The following GLYATL2 variants were observed in gnomAD, a reference collection of about 807,000 sequenced individuals.
GLYATL2 encodes the protein glycine-N-acyltransferase like 2, also known as glycine N-acyltransferase-like protein 2.
GLYATL2 carries 25 observed loss-of-function variants against 21.4 expected under a neutral mutation model. The ratio of observed to expected loss-of-function variants is 1.17; its 90% CI spans 0.85 to 1.63. The LOEUF (loss-of-function observed/expected upper bound fraction) is 1.63. Ranked by LOEUF, GLYATL2 falls within the 40% of genes most tolerant of loss-of-function variation. GLYATL2 has a pLI of 0.00. For synonymous variants in GLYATL2, 114 were observed against 118.2 expected, an observed-to-expected ratio of 0.96 and a Z score of 0.23; for missense variants, 361 against 343.3, an observed-to-expected ratio of 1.05 and a Z score of -0.41.
At chr11:58,866,698 T>TTCCCTGTTGAACAGA (rs1242078939) in intron 1 of GLYATL2, among the ~76,000 whole-genome samples, 1 of 149,222 alleles carries the variant, frequency 6.7e-6, no homozygotes, top group Non-Finnish European at 1.5e-5. Context: ...TCTTGGTCAG[T>TTCCCTGTTGAACAGA]TCCCTGTTGA....
At chr11:58,886,525 A>C (rs1204037104) in intron 1 of GLYATL2, among the ~76,000 whole-genome samples, 1 of 152,230 alleles carries the variant, frequency 6.6e-6, no homozygotes, top group African/African-American at 2.4e-5. Context: ...TAAAATGGGA[A>C]AAATAAGAGG....
intron 1 of GLYATL2, among the ~76,000 whole-genome samples, chr11:58,876,886 G>A (rs1391763665): frequency 6.6e-6 from 1 of 152,260 alleles, no homozygotes; most frequent in African/African-American, 2.4e-5. Flanking sequence ...TGCCCTCAGA[G>A]GTAGAGCCTA....
chr11:58,839,720 G>A (rs1374500698), intron 1 of GLYATL2, 68 bp from the exon 2 acceptor site: 1 of 713,276 alleles, frequency 1.4e-6, no homozygotes, highest in Non-Finnish European at 2.3e-6. Flanking sequence ...AGAAGAGGAA[G>A]GAGAAGTCAC....
upstream of GLYATL2, among the ~76,000 whole-genome samples, chr11:58,907,000 G>A (rs1229444271): frequency 2.0e-5 from 3 of 152,160 alleles, 1 homozygote; most frequent in African/African-American, 7.2e-5. Flanking sequence ...CAATTCACAG[G>A]AACAATAAAA....
At chr11:58,876,838 C>G (rs1854242915) in intron 1 of GLYATL2, among the ~76,000 whole-genome samples, 1 of 152,246 alleles carries the variant, frequency 6.6e-6, no homozygotes, top group Admixed American at 6.5e-5. Flanking sequence ...ACATTTAAGT[C>G]TGCAGAGGTT....
At chr11:58,852,061 T>C (rs1162868104) in intron 1 of GLYATL2, among the ~76,000 whole-genome samples, 1 of 152,234 alleles carries the variant, frequency 6.6e-6, no homozygotes, top group Non-Finnish European at 1.5e-5. Context: ...GGAAATAATA[T>C]GTAAATTGGT....
At chr11:58,881,515 C>G (rs1854333614) in intron 1 of GLYATL2, among the ~76,000 whole-genome samples, 1 of 151,844 alleles carries the variant, frequency 6.6e-6, no homozygotes. Flanking sequence ...AATATTTGGC[C>G]CTAAGAAACT....
Position 58,872,425 on chromosome 11 carries a change from A to G in GLYATL2, n.60+31731T>C, listed in dbSNP as rs556070669. Among the ~76,000 whole-genome samples, 324 of 152,352 alleles carry G rather than the reference A, an allele frequency of 2.1e-3. 2 individuals carry two copies. The highest frequency in any genetic ancestry group is 6.8e-3 in the African/African-American group (281 of 41,578). On this transcript the variant is annotated intron_variant and non_coding_transcript_variant, in intron 1 of 4. Transcript: ENST00000533636. ...GGGTTTTTATGGTTTTAGGTATAAC[A>G]TGTAAGTCTTTAATCCATCTTGAAT... is the stretch of plus-strand genomic sequence containing the variant.
At chr11:58,885,227 T>A (rs973660001) in intron 1 of GLYATL2, among the ~76,000 whole-genome samples, 2 of 152,236 alleles carry the variant, frequency 1.3e-5, no homozygotes, top group Non-Finnish European at 2.9e-5. Flanking sequence ...AGCTCTTTGG[T>A]ATCACAAGGA....
chr11:58,834,453 T>C lies in GLYATL2; in HGVS notation c.861A>G (p.Lys287=), dbSNP rs1007653704. ...ATCAACAATATTTCTTGGGGGTGCA[T>C]TTCCACTGATGCCAGCCACAAGGAC... ...KICPCGWHQW[K]CTPKKYC Residue 287 remains lysine (K), a synonymous_variant, in exon 6 of 6, where the codon AAA becomes AAG. Transcript: ENST00000287275. 14 of 1,599,150 alleles carry C rather than the reference T, an allele frequency of 8.8e-6. No individual in the cohort carries two copies. The highest frequency in any genetic ancestry group is 1.0e-5 in the Non-Finnish European group (12 of 1,173,476).
At chr11:58,862,465 C>A (rs543437640) in intron 1 of GLYATL2, among the ~76,000 whole-genome samples, 2 of 152,236 alleles carry the variant, frequency 1.3e-5, no homozygotes, top group East Asian at 1.9e-4. Flanking sequence ...TACTGATATT[C>A]CATAATTACC....
chr11:58,895,198 T>C (rs1854613096), intron 1 of GLYATL2, among the ~76,000 whole-genome samples: 1 of 152,086 alleles, frequency 6.6e-6, no homozygotes, highest in South Asian at 2.1e-4. Context: ...AACCTTAACA[T>C]GCACTTGGAT....
At chr11:58,893,333 C>T (rs2134623375) in intron 1 of GLYATL2, 1 of 209,070 alleles carries the variant, frequency 4.8e-6, no homozygotes, top group Middle Eastern at 1.2e-3. Context: ...AAGAATATTC[C>T]ATTTTACCTC....
At chr11:58,849,349 A>C (rs900328097), upstream of GLYATL2, among the ~76,000 whole-genome samples, 1 of 152,300 alleles carries the variant, frequency 6.6e-6, no homozygotes, top group African/African-American at 2.4e-5. Context: ...GAAACACCTG[A>C]GCTCAAGCAA....
chr11:58,835,380 T>C (rs207471943), intron 5 of GLYATL2, among the ~76,000 whole-genome samples: 3 of 152,230 alleles, frequency 2.0e-5, no homozygotes, highest in Non-Finnish European at 4.4e-5. Context: ...GAAGCTGCAA[T>C]ATAAGAAAAA....
At chr11:58,905,545 G>T (rs1413629037), upstream of GLYATL2, 3 of 456,154 alleles carry the variant, frequency 6.6e-6, no homozygotes, top group Non-Finnish European at 1.3e-5. Context: ...GCGCGAAACC[G>T]CCAGGCATCT....
chr11:58,867,772 A>G (rs1192072168), intron 1 of GLYATL2, among the ~76,000 whole-genome samples: 1 of 148,954 alleles, frequency 6.7e-6, no homozygotes, highest in East Asian at 2.2e-4. Context: ...GATAGCCTCA[A>G]GGCCGTGACA....
At chr11:58,847,973 G>A (rs1172728362), upstream of GLYATL2, among the ~76,000 whole-genome samples, 3 of 141,188 alleles carry the variant, frequency 2.1e-5, no homozygotes, top group Non-Finnish European at 4.6e-5. Flanking sequence ...CCCAATTTTA[G>A]TTGGCTCAGA....
chr11:58,848,736 G>C (rs565028042), upstream of GLYATL2, among the ~76,000 whole-genome samples: 31 of 151,170 alleles, frequency 2.1e-4, no homozygotes, highest in Middle Eastern at 3.4e-3. Context: ...GCAAATCTAA[G>C]AATTATTGGC....
Sources: allele counts gnomAD v4.1 joint callset (sites outside exome capture counted in the v4.1 genomes callset), GRCh38; gene constraint gnomAD v4.1.1; transcripts MANE v1.5; gene names NCBI Gene and HGNC (gene_info 2026-07-23, HGNC 2026-07-21).